The following EHMT1 variants were observed in gnomAD, a reference collection of about 807,000 sequenced individuals.
EHMT1 encodes the protein euchromatic histone lysine methyltransferase 1.
EHMT1 carries 15 observed loss-of-function variants against 147.2 expected under a neutral mutation model. The observed-to-expected ratio is 0.10, with a 90% CI of 0.07 to 0.16. The LOEUF (loss-of-function observed/expected upper bound fraction) is 0.16. Ranked by LOEUF, EHMT1 falls within the 10% of genes least tolerant of loss-of-function variation. The pLI is 1.00. For synonymous variants in EHMT1, 795 were observed against 709.6 expected (o/e 1.12, Z -1.91); for missense variants, 1,587 against 1,772.4 (o/e 0.90, Z 1.88).
In EHMT1 at chr9:137,754,175, C is replaced by T. The variant is rs1040888971; in HGVS notation, c.1253C>T (p.Ser418Leu). ...EEGGDESDLS[S>L]ESSIKKKFLK... ...CCTGCCCGTTTGGTTCTCCAGAGTT[C>T]GGAATCCAGCATTAAGAAGAAATTT... The change falls in exon 8 of 27, where the codon TCG becomes TTG. Residue 418 changes from serine to leucine, a missense_variant. Transcript: ENST00000460843. 6 of 1,613,988 alleles carry T rather than the reference C, an allele frequency of 3.7e-6. No homozygotes were observed. Among genetic ancestry groups the T allele is most frequent in the East Asian group, 2.2e-5 (1 of 44,880 alleles).
intron 8 of EHMT1, 23 bp from the exon 9 acceptor site, chr9:137,757,857 A>G (rs1227076752): frequency 6.2e-7 from 1 of 1,613,290 alleles, no homozygotes; most frequent in Admixed American, 1.7e-5. Flanking sequence ...GTGGTGTCTG[A>G]TGTGTGTGCC....
chr9:137,728,229 T>C (rs1487601841), intron 3 of EHMT1, 120 bp from the exon 4 acceptor site: 1 of 1,404,218 alleles, frequency 7.1e-7, no homozygotes, highest in Non-Finnish European at 1.0e-6. Flanking sequence ...CTCTCTCCAT[T>C]GTATCTCATC....
intron 25 of EHMT1, among the ~76,000 whole-genome samples, chr9:137,830,426 T>C (rs1956111859): frequency 6.6e-6 from 1 of 152,232 alleles, no homozygotes; most frequent in Non-Finnish European, 1.5e-5. Flanking sequence ...AGTTATGAAG[T>C]AAATAGATTT....
chr9:137,745,722 G>A (rs1256824046), intron 6 of EHMT1: 1 of 394,948 alleles, frequency 2.5e-6, no homozygotes, highest in Non-Finnish European at 4.5e-6. Flanking sequence ...CAAGTTACAA[G>A]GGGTATTCAG....
Position 137,801,021 on chromosome 9 carries a change from G to A in EHMT1, c.2712+37G>A, listed in dbSNP as rs148637906. On this transcript the variant is annotated intron_variant, in intron 18 of 26. Transcript: ENST00000460843. ...ACACCCTCCCCGGGAGCCGTGTCCT[G>A]GAGGGGTGGGGACCTCCTCCCCCAG... The A allele has an allele frequency of 5.4e-4, 857 of 1,583,306 alleles. 6 individuals are homozygous for A. The African/African-American group carries it at 9.3e-3, about 17-fold the overall frequency.
intron 1 of EHMT1, among the ~76,000 whole-genome samples, chr9:137,635,623 A>C (rs998282017): frequency 4.0e-5 from 6 of 151,428 alleles, no homozygotes; most frequent in South Asian, 2.1e-4. Flanking sequence ...GATCGAGACC[A>C]TCCTGGCTAA....
chr9:137,775,799 T>C lies in EHMT1; in HGVS notation c.1791+547T>C, dbSNP rs1950910779. ...ATCAGTTACTTCAATGTCAAACATCTGTGCTCAGCCGTGCCCAGGGCCCCC... is the reference window on the plus strand; with the variant it reads ...ATCAGTTACTTCAATGTCAAACATCCGTGCTCAGCCGTGCCCAGGGCCCCC... On this transcript the variant is annotated intron_variant, in intron 11 of 26. Coordinates refer to ENST00000460843, the MANE Select transcript of EHMT1 (RefSeq NM_024757.5). The surrounding 1 kb of genome is among the most constrained non-coding windows in gnomAD (Gnocchi z 6.1). Among the ~76,000 whole-genome samples, 1 of 151,978 alleles carries C rather than the reference T, an allele frequency of 6.6e-6. No individual in the cohort carries two copies. Among genetic ancestry groups the C allele is most frequent in the Non-Finnish European group, 1.5e-5 (1 of 67,978 alleles).
chr9:137,659,631 C>A (rs547424988), intron 1 of EHMT1, among the ~76,000 whole-genome samples: 1 of 151,232 alleles, frequency 6.6e-6, no homozygotes, highest in Non-Finnish European at 1.5e-5. Context: ...TGGTTCACTG[C>A]GGCCTTGACC....
intron 16 of EHMT1, chr9:137,791,969 G>A (rs1952557352): frequency 2.5e-6 from 1 of 404,436 alleles, no homozygotes; most frequent in African/African-American, 2.1e-5. Context: ...CTGACCTCAG[G>A]TGATCCGCCC....
chr9:137,655,024 G>A (rs917132554), intron 1 of EHMT1, among the ~76,000 whole-genome samples: 4 of 151,468 alleles, frequency 2.6e-5, no homozygotes, highest in Non-Finnish European at 5.9e-5. Context: ...TCGAGATGGA[G>A]TCTTGCTCTT....
At chr9:137,623,267 A>T (rs1353960371) in intron 1 of EHMT1, among the ~76,000 whole-genome samples, 1 of 151,770 alleles carries the variant, frequency 6.6e-6, no homozygotes, top group East Asian at 1.9e-4. Flanking sequence ...GGTACACAGC[A>T]TCATCCAAAG....
chr9:137,718,940 G>T (rs142338528), intron 3 of EHMT1, among the ~76,000 whole-genome samples: 6 of 151,864 alleles, frequency 4.0e-5, no homozygotes, highest in Non-Finnish European at 7.4e-5. Flanking sequence ...ATTTTTAGTA[G>T]AGATGAGGTT....
chr9:137,713,401 C>G (rs889160890), intron 2 of EHMT1, among the ~76,000 whole-genome samples: 1 of 151,172 alleles, frequency 6.6e-6, no homozygotes, highest in East Asian at 2.0e-4. Flanking sequence ...TCACGAGTAG[C>G]TGGGAATACA....
At position 137,732,061 on chromosome 9, in the gene EHMT1, G is replaced by A. The variant is rs2135853572; in HGVS notation, c.823+3532G>A. On this transcript the variant is annotated intron_variant, in intron 4 of 26. Coordinates refer to ENST00000460843, the MANE Select transcript of EHMT1 (RefSeq NM_024757.5). This position sits in a 1 kb window ranked among gnomAD's most constrained non-coding sequence, Gnocchi z 4.6. ...CTCTTGCTGTCACCACCCACAGTAC[G>A]GGCTGGGGTGTGTTCCCAGCTCGTT... 6.6e-6 allele frequency among the ~76,000 whole-genome samples: 1 copy of A among 152,356 alleles called. No individual in the cohort carries two copies. Among genetic ancestry groups the A allele is most frequent in the African/African-American group, 2.4e-5 (1 of 41,588 alleles).
intron 25 of EHMT1, 200 bp from the exon 26 acceptor site, chr9:137,834,149 C>T (rs891202026): frequency 3.4e-5 from 23 of 678,754 alleles, no homozygotes; most frequent in Admixed American, 1.4e-4. Flanking sequence ...CGGCAGGGTG[C>T]GGGGTGGGTG....
chr9:137,763,626 G>C (rs978717303), intron 10 of EHMT1: 2 of 154,612 alleles, frequency 1.3e-5, no homozygotes, highest in Non-Finnish European at 2.9e-5. Flanking sequence ...TCTTCAGCTC[G>C]ATTATTGCGT....
chr9:137,662,094 G>T (rs1380966894), intron 1 of EHMT1, among the ~76,000 whole-genome samples: 1 of 152,186 alleles, frequency 6.6e-6, no homozygotes, highest in Non-Finnish European at 1.5e-5. Flanking sequence ...GAGCCACTGC[G>T]CCTGGCCAAG....
At chr9:137,640,624 T>C (rs1198507924) in intron 1 of EHMT1, among the ~76,000 whole-genome samples, 1 of 152,238 alleles carries the variant, frequency 6.6e-6, no homozygotes, top group African/African-American at 2.4e-5. Flanking sequence ...ATGTTTTCTC[T>C]GAGCCCAATA....
chr9:137,754,961 C>T (rs978625675), intron 8 of EHMT1, among the ~76,000 whole-genome samples: 1 of 152,200 alleles, frequency 6.6e-6, no homozygotes. Context: ...GTCAGAGTCC[C>T]CTGTTCCAGA....
Sources: gnomAD v4.1 joint callset for allele counts (sites outside exome capture counted in the v4.1 genomes callset) on GRCh38, gnomAD v4.1.1 for gene constraint, Gnocchi (gnomAD v3.1) non-coding constraint, MANE v1.5 for transcripts, NCBI Gene and HGNC (gene_info 2026-07-23, HGNC 2026-07-21) for gene names.